RPGRIP1L: variants seen among roughly 807,000 people sequenced by gnomAD.
RPGRIP1L encodes the protein RPGRIP1 like.
A neutral mutation model predicts 160.4 loss-of-function variants in RPGRIP1L; 131 were observed. That is an observed-to-expected ratio of 0.82 (90% CI 0.71 to 0.94). The LOEUF (loss-of-function observed/expected upper bound fraction) is 0.94, where lower values mean the gene tolerates loss of function less well. Ranked by LOEUF, RPGRIP1L falls within the 40% of genes least tolerant of loss-of-function variation. RPGRIP1L has a pLI of 0.00. For synonymous variants in RPGRIP1L, 510 were observed against 515.8 expected (o/e 0.99, Z 0.15); for missense variants, 1,522 against 1,535.8 (o/e 0.99, Z 0.15).
At chr16:53,672,418 G>A (rs1455463391) in intron 8 of RPGRIP1L, among the ~76,000 whole-genome samples, 1 of 151,998 alleles carries the variant, frequency 6.6e-6, no homozygotes, top group East Asian at 1.9e-4. Context: ...AAAATACTAC[G>A]ATAATAGGAA....
chr16:53,675,767 A>G (rs956811127), intron 6 of RPGRIP1L, among the ~76,000 whole-genome samples: 2 of 152,180 alleles, frequency 1.3e-5, no homozygotes, highest in East Asian at 1.9e-4. Context: ...TAGAAACCTT[A>G]TATGTTACAA....
At chr16:53,631,855 G>A (rs1474060381) in intron 22 of RPGRIP1L, among the ~76,000 whole-genome samples, 2 of 152,108 alleles carry the variant, frequency 1.3e-5, no homozygotes, top group Non-Finnish European at 2.9e-5. Flanking sequence ...TTTGATGTCC[G>A]GGAAACGAAG....
chr16:53,660,576 AC>A (rs888911709), intron 10 of RPGRIP1L, among the ~76,000 whole-genome samples: 11 of 151,442 alleles, frequency 7.3e-5, no homozygotes, highest in Non-Finnish European at 1.6e-4. Context: ...AAAAAAAAAA[AC>A]CTGTGATCCT....
chr16:53,640,005 T>C (rs769241158), intron 19 of RPGRIP1L, among the ~76,000 whole-genome samples: 1 of 152,202 alleles, frequency 6.6e-6, no homozygotes, highest in Non-Finnish European at 1.5e-5. Flanking sequence ...ATGTAAGTTA[T>C]ATGTGAATTA....
At chr16:53,696,568 T>G (rs567178003) in intron 2 of RPGRIP1L, among the ~76,000 whole-genome samples, 40 of 152,328 alleles carry the variant, frequency 2.6e-4, no homozygotes, top group African/African-American at 9.6e-4. Flanking sequence ...TCTTTAAGAA[T>G]ATAAGATGGA....
intron 9 of RPGRIP1L, among the ~76,000 whole-genome samples, chr16:53,666,033 T>C (rs1299364116): frequency 6.6e-6 from 1 of 152,222 alleles, no homozygotes; most frequent in East Asian, 1.9e-4. Flanking sequence ...CTATGTATTT[T>C]AAGCCCAGTA....
intron 3 of RPGRIP1L, chr16:53,693,708 T>C (rs955334664): frequency 6.6e-6 from 1 of 152,188 alleles, no homozygotes; most frequent in Non-Finnish European, 1.5e-5. Context: ...GATATATCAC[T>C]GGGAAATTTG....
intron 19 of RPGRIP1L, 68 bp from the exon 20 acceptor site, chr16:53,638,479 T>C: frequency 2.3e-6 from 2 of 863,944 alleles, no homozygotes; most frequent in Non-Finnish European, 3.9e-6. Context: ...AATCATTCTA[T>C]CATATACATA....
At chr16:53,645,274 T>C (rs1966467979) in intron 17 of RPGRIP1L, among the ~76,000 whole-genome samples, 1 of 152,068 alleles carries the variant, frequency 6.6e-6, no homozygotes, top group African/African-American at 2.4e-5. Flanking sequence ...TGTTGGTATA[T>C]AATACATAGA....
In RPGRIP1L at chr16:53,649,098, G is replaced by A; in HGVS notation, c.2170C>T (p.Pro724Ser). ...ASLIGTKGDI[P>S]NFGTVEYWFR... ...CAGTATTCCACTGTGCCAAAATTTG[G>A]GATGTCTCCTTTTGTTCCTACAAAT... Residue 724 changes from proline (P) to serine (S), a missense_variant, in exon 16 of 27, where the codon CCA becomes TCA. Pro to Ser is a moderately conservative substitution (Grantham distance 74, BLOSUM62 -1). Transcript: ENST00000647211. 6.2e-7 allele frequency: 1 copy of A among 1,613,920 alleles called. No individual in the cohort carries two copies. Among genetic ancestry groups the A allele is most frequent in the Non-Finnish European group, 8.5e-7 (1 of 1,179,932 alleles).
chr16:53,607,257 A>T (rs895978082), intron 25 of RPGRIP1L, among the ~76,000 whole-genome samples: 1 of 152,234 alleles, frequency 6.6e-6, no homozygotes, highest in African/African-American at 2.4e-5. Context: ...TGCCTGGAAC[A>T]CAGTAAGCAC....
At chr16:53,689,081 ATATATATGT>A (rs1354302000) in intron 4 of RPGRIP1L, among the ~76,000 whole-genome samples, 1 of 149,208 alleles carries the variant, frequency 6.7e-6, no homozygotes, top group Non-Finnish European at 1.5e-5. Flanking sequence ...TATATATGTT[ATATATATGT>A]TATATATATA....
chr16:53,603,064 A>G (rs1963465201), intron 26 of RPGRIP1L, among the ~76,000 whole-genome samples: 1 of 152,160 alleles, frequency 6.6e-6, no homozygotes, highest in African/African-American at 2.4e-5. Flanking sequence ...CCAAAGGTAG[A>G]TCTTGGGCTC....
At chr16:53,693,787 C>A (rs926347882) in intron 3 of RPGRIP1L, 4 of 152,098 alleles carry the variant, frequency 2.6e-5, no homozygotes, top group African/African-American at 9.7e-5. Context: ...GGTCCTAAGC[C>A]CCACCCAATG....
chr16:53,626,394 T>G (rs949805714), intron 22 of RPGRIP1L, among the ~76,000 whole-genome samples: 3 of 152,204 alleles, frequency 2.0e-5, no homozygotes, highest in African/African-American at 7.2e-5. Context: ...TTGTTTCCCC[T>G]CTACGTGTAT....
intron 22 of RPGRIP1L, among the ~76,000 whole-genome samples, chr16:53,631,059 C>G (rs1965486724): frequency 6.6e-6 from 1 of 152,150 alleles, no homozygotes; most frequent in African/African-American, 2.4e-5. Flanking sequence ...AAAACCTACT[C>G]TCTATCTAGC....
chr16:53,615,463 T>TAG, intron 24 of RPGRIP1L, among the ~76,000 whole-genome samples: 1 of 68,720 alleles, frequency 1.5e-5, no homozygotes, highest in Non-Finnish European at 2.7e-5. Context: ...TATATATATA[T>TAG]ATATATATAT....
intron 10 of RPGRIP1L, 115 bp downstream of exon 10, chr16:53,664,755 C>T: frequency 8.6e-7 from 1 of 1,166,570 alleles, no homozygotes; most frequent in South Asian, 1.2e-5. Flanking sequence ...GTGTCTGTCC[C>T]TCATACATTG....
rs1486179402 is a variant in RPGRIP1L, at chr16:53,637,979, T to C, written c.3061-125A>G. 21 of 900,656 alleles carry C rather than the reference T, an allele frequency of 2.3e-5. No individual in the cohort carries two copies. The East Asian group carries it at 5.3e-4, about 23-fold the overall frequency. 55.8% of individuals were successfully genotyped at this position (900,656 alleles called of 1,614,324 possible). A position where few individuals can be genotyped will look rare whatever the true frequency, so the allele number is the denominator to read the frequency against. On this transcript the variant is annotated intron_variant, in intron 20 of 26. Coordinates refer to ENST00000647211, the MANE Select transcript of RPGRIP1L (RefSeq NM_015272.5). ...GACTTAAATATACAGATATGTAATA[T>C]GTATGAGACTCAGAAAACAACCACT... is the stretch of plus-strand genomic sequence containing the variant.
Sources: allele counts gnomAD v4.1 joint callset (sites outside exome capture counted in the v4.1 genomes callset), GRCh38; gene constraint gnomAD v4.1.1; transcripts MANE v1.5; gene names NCBI Gene and HGNC (gene_info 2026-07-23, HGNC 2026-07-21).